The following SPAG9 variants were observed in gnomAD, a reference collection of about 807,000 sequenced individuals.
The protein encoded by SPAG9 is C-Jun-amino-terminal kinase-interacting protein 4.
In SPAG9, 35 loss-of-function variants were observed where a neutral mutation model predicts 166.5. The observed-to-expected ratio is 0.21, with a 90% CI of 0.16 to 0.28. SPAG9 has a LOEUF of 0.28. SPAG9 is among the 10% of genes least tolerant of loss of function. The pLI, the probability that SPAG9 is intolerant of heterozygous loss-of-function variation, is 1.00. For synonymous variants in SPAG9, 534 were observed against 565.5 expected (o/e 0.94, Z 0.79); for missense variants, 1,235 against 1,603.3 (o/e 0.77, Z 3.92).
chr17:51,005,971 C>T lies in SPAG9; in HGVS notation c.1424+114G>A, dbSNP rs1252852995. On this transcript the variant is annotated intron_variant, in intron 11 of 29. Transcript: ENST00000262013. ...GCACTTTGCCCTCTCCCAGGCAGCTCTTGGCCTTCCAGGCTTGAGTGGACA... is the reference window on the plus strand; with the variant it reads ...GCACTTTGCCCTCTCCCAGGCAGCTTTTGGCCTTCCAGGCTTGAGTGGACA... 5.7e-6 allele frequency: 7 copies of T among 1,230,652 alleles called. No individual in the cohort carries two copies. The Admixed American group carries it at 8.6e-5, about 15-fold the overall frequency. 76.2% of individuals were successfully genotyped at this position (1,230,652 alleles called of 1,614,324 possible). A position where few individuals can be genotyped will look rare whatever the true frequency, so the allele number is the denominator to read the frequency against.
intron 3 of SPAG9, among the ~76,000 whole-genome samples, chr17:51,054,675 A>G (rs953941094): frequency 1.3e-5 from 2 of 151,632 alleles, no homozygotes; most frequent in Non-Finnish European, 2.9e-5. Flanking sequence ...TCACCTCATG[A>G]TCCACCCACC....
At chr17:51,082,533 A>G (rs2048195054) in intron 1 of SPAG9, among the ~76,000 whole-genome samples, 1 of 152,106 alleles carries the variant, frequency 6.6e-6, no homozygotes, top group Admixed American at 6.6e-5. Context: ...TGTGGGTTCC[A>G]TGAAGTCAGG....
intron 1 of SPAG9, among the ~76,000 whole-genome samples, chr17:51,099,759 T>TAAAAAAAAAAAAAAAAAAAAAAAA: frequency 2.3e-5 from 1 of 43,630 alleles, no homozygotes; most frequent in Non-Finnish European, 4.8e-5. Flanking sequence ...CTTCTATTAC[T>TAAAAAAAAAAAAAAAAAAAAAAAA]AAAAAAAAAA....
intron 5 of SPAG9, among the ~76,000 whole-genome samples, chr17:51,036,008 T>C (rs183240111): frequency 4.9e-4 from 74 of 152,288 alleles, no homozygotes; most frequent in Non-Finnish European, 2.1e-4. Flanking sequence ...AATGAAGCTG[T>C]CTCAGCAACG....
chr17:51,009,870 A>C (rs1188838483), intron 9 of SPAG9, among the ~76,000 whole-genome samples: 4 of 152,174 alleles, frequency 2.6e-5, no homozygotes, highest in Non-Finnish European at 5.9e-5. Flanking sequence ...ATTCCCAATG[A>C]AGAGTTATCT....
chr17:51,092,871 T>C (rs1176888356), intron 1 of SPAG9, among the ~76,000 whole-genome samples: 1 of 151,990 alleles, frequency 6.6e-6, no homozygotes, highest in Non-Finnish European at 1.5e-5. Context: ...CCAGGAGTTC[T>C]AAGCTGCAGT....
chr17:51,103,103 A>G (rs1347144128), intron 1 of SPAG9, among the ~76,000 whole-genome samples: 2 of 152,196 alleles, frequency 1.3e-5, no homozygotes, highest in Non-Finnish European at 2.9e-5. Flanking sequence ...CAAAAGTGAA[A>G]GGACTTATTG....
chr17:51,026,674 C>CT (rs35339612), intron 6 of SPAG9, among the ~76,000 whole-genome samples: 13,729 of 124,150 alleles, frequency 0.11, 959 homozygotes, highest in Non-Finnish European at 0.16. Context: ...TTTTTCTTTT[C>CT]TTTTTTTTTT....
intron 5 of SPAG9, among the ~76,000 whole-genome samples, chr17:51,039,909 TAAAAG>T (rs2046764965): frequency 6.6e-6 from 1 of 151,986 alleles, no homozygotes; most frequent in Non-Finnish European, 1.5e-5. Flanking sequence ...GCAGGAAGGC[TAAAAG>T]ACCCATTGTG....
intron 12 of SPAG9, among the ~76,000 whole-genome samples, chr17:51,003,012 T>C (rs2045029847): frequency 6.7e-6 from 1 of 149,272 alleles, no homozygotes; most frequent in African/African-American, 2.5e-5. Flanking sequence ...AAGCATAGAA[T>C]TGCTTGAGGC....
chr17:50,994,997 G>A, intron 18 of SPAG9, 60 bp downstream of exon 18: 1 of 1,378,928 alleles, frequency 7.3e-7, no homozygotes, highest in African/African-American at 1.4e-5. Context: ...GCAAATTTTG[G>A]ATGAAAGAGT....
intron 28 of SPAG9, among the ~76,000 whole-genome samples, chr17:50,971,434 G>C (rs1261923851): frequency 2.7e-5 from 4 of 150,120 alleles, no homozygotes; most frequent in African/African-American, 9.8e-5. Flanking sequence ...GGCAAGGTGG[G>C]TCTTAGCTGC....
At chr17:51,050,052 A>T (rs2047139657) in intron 3 of SPAG9, among the ~76,000 whole-genome samples, 1 of 152,218 alleles carries the variant, frequency 6.6e-6, no homozygotes, top group Non-Finnish European at 1.5e-5. Flanking sequence ...ATAGAAAAAG[A>T]ATGACAAGCA....
chr17:51,003,488 T>C (rs1171898291), intron 12 of SPAG9, among the ~76,000 whole-genome samples: 2 of 152,138 alleles, frequency 1.3e-5, no homozygotes, highest in Non-Finnish European at 2.9e-5. Flanking sequence ...GGTAAACTTA[T>C]TACCTAGTTA....
At chr17:51,068,162 T>G (rs981532492) in intron 2 of SPAG9, among the ~76,000 whole-genome samples, 1 of 152,158 alleles carries the variant, frequency 6.6e-6, no homozygotes, top group Non-Finnish European at 1.5e-5. Flanking sequence ...ATGTGGTCTT[T>G]CAGAAACTTC....
At chr17:51,057,712 G>A (rs1379421041) in intron 2 of SPAG9, among the ~76,000 whole-genome samples, 2 of 152,094 alleles carry the variant, frequency 1.3e-5, no homozygotes, top group East Asian at 1.9e-4. Context: ...CTTATGTGTC[G>A]CTGGCTCATT....
chr17:51,017,171 G>C (rs1396565392), intron 8 of SPAG9, among the ~76,000 whole-genome samples: 1 of 152,150 alleles, frequency 6.6e-6, no homozygotes, highest in Non-Finnish European at 1.5e-5. Flanking sequence ...GGATTTAAGT[G>C]AGTATTTTTT....
chr17:51,031,817 C>G (rs2046394163), intron 5 of SPAG9, 95 bp from the exon 6 acceptor site: 1 of 858,084 alleles, frequency 1.2e-6, no homozygotes, highest in Non-Finnish European at 1.9e-6. Flanking sequence ...TCCCAAGATA[C>G]AAGATTCATC....
chr17:50,981,483 A>AAGAC (rs1180434969), intron 25 of SPAG9, among the ~76,000 whole-genome samples: 1 of 143,848 alleles, frequency 7.0e-6, no homozygotes, highest in East Asian at 2.0e-4. Context: ...TACACAGATA[A>AAGAC]AGATAGATAG....
Sources: allele counts gnomAD v4.1 joint callset (sites outside exome capture counted in the v4.1 genomes callset), GRCh38; gene constraint gnomAD v4.1.1; transcripts MANE v1.5; gene names NCBI Gene and HGNC (gene_info 2026-07-23, HGNC 2026-07-21).